TRMT61B: variants seen among roughly 807,000 people sequenced by gnomAD.
The protein encoded by TRMT61B is tRNA (adenine(58)-N(1))-methyltransferase, mitochondrial.
Under a neutral mutation model 52.0 loss-of-function variants are expected in TRMT61B, and 56 were observed. That is an observed-to-expected ratio of 1.08 (90% CI 0.87 to 1.35). The LOEUF (loss-of-function observed/expected upper bound fraction) is 1.35. Among genes scored for constraint, TRMT61B ranks in the 40% most tolerant of loss-of-function variants. TRMT61B has a pLI of 0.00. For synonymous variants in TRMT61B, 206 were observed against 220.0 expected, an observed-to-expected ratio of 0.94 and a Z score of 0.56; for missense variants, 650 against 577.9, an observed-to-expected ratio of 1.12 and a Z score of -1.28.
Position 28,852,388 on chromosome 2 carries a change from A to C in TRMT61B, c.1085+20T>G, listed in dbSNP as rs745484521. The C allele has an allele frequency of 6.9e-7, 1 of 1,445,346 alleles. No homozygotes were observed. Among genetic ancestry groups the C allele is most frequent in the Admixed American group, 2.1e-5 (1 of 47,482 alleles). 89.5% of individuals were successfully genotyped at this position (1,445,346 alleles called of 1,614,324 possible). A position where few individuals can be genotyped will look rare whatever the true frequency, so the allele number is the denominator to read the frequency against. ...GCACTTAAAAGTTACATTACAAAGA[A>C]AAACAGTTATATTACTCACTTTACT... On this transcript the variant is annotated intron_variant, in intron 4 of 6. Coordinates refer to ENST00000306108, the MANE Select transcript of TRMT61B (RefSeq NM_017910.4).
intron 3 of TRMT61B, among the ~76,000 whole-genome samples, chr2:28,856,477 A>G (rs569878140): frequency 5.3e-5 from 8 of 152,136 alleles, no homozygotes; most frequent in Non-Finnish European, 8.8e-5. Context: ...TGTCCATACT[A>G]TCCAGCTTGA....
At chr2:28,855,544 T>C (rs906086144) in intron 3 of TRMT61B, among the ~76,000 whole-genome samples, 1 of 152,036 alleles carries the variant, frequency 6.6e-6, no homozygotes, top group Admixed American at 6.6e-5. Flanking sequence ...GAATCCAAAG[T>C]TTTTAGCCTA....
In TRMT61B at chr2:28,850,388, A is replaced by G. The variant is rs779074445; in HGVS notation, c.1330T>C (p.Phe444Leu). The G allele has an allele frequency of 1.2e-6, 2 of 1,607,146 alleles. No homozygotes were observed. Among genetic ancestry groups the G allele is most frequent in the Non-Finnish European group, 1.7e-6 (2 of 1,176,546 alleles). Reference protein sequence around the residue: ...EDDHEESHSDFPYGSFPYVAR... With the variant: ...EDDHEESHSDLPYGSFPYVAR... The stretch of plus-strand genomic sequence containing the variant: ...ACATAGGGAAATGATCCATATGGAA[A>G]ATCAGAATGCGATTCTTCTGTTGTA... Residue 444 changes from phenylalanine (F) to leucine (L), a missense_variant, in exon 6 of 7, where the codon TTT (phenylalanine) becomes CTT (leucine). Coordinates refer to ENST00000306108, the MANE Select transcript of TRMT61B (RefSeq NM_017910.4).
chr2:28,853,401 C>T (rs1034452987), intron 3 of TRMT61B, among the ~76,000 whole-genome samples: 1 of 151,988 alleles, frequency 6.6e-6, no homozygotes, highest in Non-Finnish European at 1.5e-5. Flanking sequence ...GTCTTGAACT[C>T]CTGGATTCAA....
chr2:28,865,218 A>C (rs1189302461), intron 1 of TRMT61B, 99 bp from the exon 2 acceptor site: 1 of 651,584 alleles, frequency 1.5e-6, no homozygotes, highest in Admixed American at 2.6e-5. Context: ...GAAGGGAGTG[A>C]AAAAACGAAT....
At chr2:28,855,293 T>TA (rs1558340973) in intron 3 of TRMT61B, among the ~76,000 whole-genome samples, 1 of 152,212 alleles carries the variant, frequency 6.6e-6, no homozygotes, top group Non-Finnish European at 1.5e-5. Flanking sequence ...TGAACTTTTT[T>TA]AAAAAACTAT....
intron 4 of TRMT61B, among the ~76,000 whole-genome samples, chr2:28,851,810 C>A (rs752289986): frequency 8.2e-6 from 1 of 121,888 alleles, no homozygotes. Flanking sequence ...ACCCAGGAGG[C>A]GGAGGTTGCA....
intron 1 of TRMT61B, among the ~76,000 whole-genome samples, chr2:28,866,942 T>G (rs1669875412): frequency 6.6e-6 from 1 of 151,882 alleles, no homozygotes; most frequent in South Asian, 2.1e-4. Context: ...ACCACAGGCA[T>G]GTACCACCAT....
intron 2 of TRMT61B, among the ~76,000 whole-genome samples, chr2:28,864,728 T>C (rs1669755205): frequency 6.6e-6 from 1 of 152,140 alleles, no homozygotes; most frequent in Non-Finnish European, 1.5e-5. Context: ...TGCACACTTT[T>C]CTGTAGCCAT....
intron 4 of TRMT61B, among the ~76,000 whole-genome samples, chr2:28,851,747 C>G (rs1669107259): frequency 1.3e-5 from 2 of 151,058 alleles, no homozygotes; most frequent in Non-Finnish European, 3.0e-5. Context: ...GGTGTGGTGG[C>G]GCATACCTGT....
chr2:28,851,439 A>C, intron 4 of TRMT61B, 141 bp from the exon 5 acceptor site: 1 of 542,934 alleles, frequency 1.8e-6, no homozygotes. Context: ...GTTAGGAGGC[A>C]TAAAAAGTAC....
intron 5 of TRMT61B, chr2:28,850,755 T>G (rs1669057720): frequency 6.3e-6 from 2 of 317,368 alleles, no homozygotes; most frequent in Non-Finnish European, 1.1e-5. Context: ...TATTAGCTAT[T>G]TGCCTATCAG....
At chr2:28,865,275 A>G (rs952622458) in intron 1 of TRMT61B, among the ~76,000 whole-genome samples, 156 bp from the exon 2 acceptor site, 2 of 152,260 alleles carry the variant, frequency 1.3e-5, no homozygotes, top group Non-Finnish European at 2.9e-5. Flanking sequence ...GATGAAATAA[A>G]AGAGATCCAA....
At chr2:28,861,021 G>A in intron 3 of TRMT61B, 97 bp downstream of exon 3, 1 of 1,016,506 alleles carries the variant, frequency 9.8e-7, no homozygotes, top group Non-Finnish European at 1.4e-6. Context: ...TAGACATGAA[G>A]CAAACGAAGG....
chr2:28,852,624 GTAT>G, intron 3 of TRMT61B, 125 bp from the exon 4 acceptor site: 1 of 644,958 alleles, frequency 1.6e-6, no homozygotes, highest in South Asian at 2.0e-5. Flanking sequence ...TTAGAAGGTA[GTAT>G]TATTAACTAT....
At position 28,870,270 on chromosome 2, in the gene TRMT61B, A is replaced by T; in HGVS notation, c.8T>A (p.Met3Lys). ...CAAGACAGGACCGCGGCACCATGCC[A>T]TTAGCATAGTGTTTCGCGAAGGCGC... ML[M>K]AWCRGPVLLC... The change falls in exon 1 of 7, where the codon ATG (methionine) becomes AAG (lysine). Residue 3 changes from methionine to lysine, a missense_variant. Physicochemically the swap from Met to Lys is moderately conservative, Grantham distance 95. Transcript: ENST00000306108. 6.3e-7 allele frequency: 1 copy of T among 1,580,906 alleles called. No individual in the cohort carries two copies.
intron 1 of TRMT61B, 55 bp downstream of exon 1, chr2:28,869,524 G>T: frequency 8.2e-7 from 1 of 1,215,144 alleles, no homozygotes; most frequent in Non-Finnish European, 1.2e-6. Flanking sequence ...ACTGAGTACT[G>T]CATCTGTCTT....
At position 28,851,222 on chromosome 2, in the gene TRMT61B, C is replaced by T. The variant is rs373614725; in HGVS notation, c.1162G>A (p.Val388Ile). 34 of 1,613,760 alleles carry T rather than the reference C, an allele frequency of 2.1e-5. No individual in the cohort carries two copies. Among genetic ancestry groups the T allele is most frequent in the Admixed American group, 2.0e-4 (12 of 59,962 alleles). Residue 388 changes from valine to isoleucine, a missense_variant, in exon 5 of 7, where the codon GTC (valine) becomes ATC (isoleucine). Transcript: ENST00000306108. Reference sequence around the variant, plus strand: ...CAAACCAACCAATCTCTGACAATGACCTCGCTTATCTTTTCACATGAAAGA... The same window carrying T: ...CAAACCAACCAATCTCTGACAATGATCTCGCTTATCTTTTCACATGAAAGA... ...LALSCEKISEVIVRDWLVCLA... is the reference protein window; with the variant it reads ...LALSCEKISEIIVRDWLVCLA...
chr2:28,863,511 A>C (rs1669697737), intron 2 of TRMT61B, among the ~76,000 whole-genome samples: 1 of 152,130 alleles, frequency 6.6e-6, no homozygotes, highest in African/African-American at 2.4e-5. Context: ...AATAGCAATA[A>C]GTTCTTGCAC....
Sources: allele counts gnomAD v4.1 joint callset (sites outside exome capture counted in the v4.1 genomes callset), GRCh38; gene constraint gnomAD v4.1.1; transcripts MANE v1.5; gene names NCBI Gene and HGNC (gene_info 2026-07-23, HGNC 2026-07-21).